Variants in ASB5 observed in about 807,000 individuals in gnomAD.
ASB5 encodes the protein ankyrin repeat and SOCS box protein 5.
A neutral mutation model predicts 42.1 loss-of-function variants in ASB5; 45 were observed. The ratio of observed to expected loss-of-function variants is 1.07; its 90% CI spans 0.84 to 1.37. The LOEUF is 1.37. ASB5 is among the 40% of genes most tolerant of loss of function. ASB5 has a pLI of 0.00. For missense variants in ASB5, 402 were observed against 399.8 expected (o/e 1.01, Z -0.05); for synonymous variants, 147 against 150.6 (o/e 0.98, Z 0.18).
At chr4:176,256,278 T>TA (rs983551512) in intron 1 of ASB5, among the ~76,000 whole-genome samples, 2 of 152,242 alleles carry the variant, frequency 1.3e-5, no homozygotes, top group African/African-American at 4.8e-5. Context: ...CCACTGTTTT[T>TA]ATTATAATTT....
Position 176,268,919 on chromosome 4 carries a change from C to T in ASB5, c.190G>A (p.Gly64Arg). 1 of 1,609,380 alleles carries T rather than the reference C, an allele frequency of 6.2e-7. No homozygotes were observed. Reference protein sequence around the residue: ...IAAEFYGVTQGQGSWADRSPL... With the variant: ...IAAEFYGVTQRQGSWADRSPL... ...AGGATTATCATAAACATACCTTGTC[C>T]TTGGGTTACTCCATAAAATTCAGCT... is the stretch of plus-strand genomic sequence containing the variant. Residue 64 changes from glycine to arginine, a missense_variant, in exon 1 of 7, where the codon GGA (glycine) becomes AGA (arginine). Physicochemically the swap from Gly to Arg is moderately radical, Grantham distance 125. Coordinates refer to ENST00000296525, the MANE Select transcript of ASB5 (RefSeq NM_080874.4).
At chr4:176,253,573 C>CATTGAACT (rs1754087151) in intron 1 of ASB5, among the ~76,000 whole-genome samples, 2 of 152,140 alleles carry the variant, frequency 1.3e-5, no homozygotes, top group Non-Finnish European at 2.9e-5. Context: ...AAATAAAAGG[C>CATTGAACT]ATCCAAATAG....
chr4:176,257,706 C>T (rs918066638), intron 1 of ASB5, among the ~76,000 whole-genome samples: 2 of 152,170 alleles, frequency 1.3e-5, no homozygotes, highest in African/African-American at 4.8e-5. Context: ...GTCGACAAGG[C>T]GCATGGATGG....
intron 1 of ASB5, among the ~76,000 whole-genome samples, chr4:176,239,465 T>C (rs1465219801): frequency 2.0e-4 from 30 of 152,208 alleles, no homozygotes; most frequent in Admixed American, 2.0e-3. Flanking sequence ...ACAATTTTTG[T>C]TTTATCATAA....
chr4:176,222,971 G>A (rs1429452601), intron 2 of ASB5, among the ~76,000 whole-genome samples: 1 of 152,074 alleles, frequency 6.6e-6, no homozygotes, highest in African/African-American at 2.4e-5. Context: ...GTAGACACGG[G>A]GTTGCACTGT....
intron 1 of ASB5, among the ~76,000 whole-genome samples, chr4:176,240,581 T>C: frequency 6.6e-6 from 1 of 152,194 alleles, no homozygotes; most frequent in East Asian, 1.9e-4. Flanking sequence ...CGAAGAGGCA[T>C]TATGACAGAA....
chr4:176,243,396 T>C (rs1346015065), intron 1 of ASB5, among the ~76,000 whole-genome samples: 2 of 152,196 alleles, frequency 1.3e-5, no homozygotes, highest in Admixed American at 6.5e-5. Flanking sequence ...AATTTTTGAA[T>C]TTTATACTGT....
In ASB5 at chr4:176,255,187, G is replaced by C. The variant is rs575014986; in HGVS notation, c.196+13726C>G. ...ATGAGATACCATCTCACTTTGGTCA[G>C]AACAGTTGTTATTAAAAAGAAAAAA... On this transcript the variant is annotated intron_variant, in intron 1 of 6. Transcript: ENST00000296525. 7.2e-5 allele frequency among the ~76,000 whole-genome samples: 11 copies of C among 152,254 alleles called. 1 individual carries two copies. The highest frequency in any genetic ancestry group is 7.2e-4 in the Admixed American group (11 of 15,272).
At chr4:176,245,373 C>T (rs1579326419) in intron 1 of ASB5, among the ~76,000 whole-genome samples, 1 of 152,118 alleles carries the variant, frequency 6.6e-6, no homozygotes, top group Non-Finnish European at 1.5e-5. Flanking sequence ...GTTAGAATGG[C>T]GATCATTAAA....
intron 1 of ASB5, among the ~76,000 whole-genome samples, chr4:176,256,267 C>T (rs1754153993): frequency 6.6e-6 from 1 of 152,138 alleles, no homozygotes; most frequent in Admixed American, 6.5e-5. Flanking sequence ...CATTAATTTT[C>T]CCACTGTTTT....
At chr4:176,234,817 G>A (rs1324500609) in intron 1 of ASB5, among the ~76,000 whole-genome samples, 2 of 152,164 alleles carry the variant, frequency 1.3e-5, no homozygotes, top group Non-Finnish European at 2.9e-5. Flanking sequence ...CTAAGTTTCA[G>A]TTTCCTCACT....
chr4:176,262,332 A>G (rs1193484092), intron 1 of ASB5, among the ~76,000 whole-genome samples: 2 of 152,238 alleles, frequency 1.3e-5, no homozygotes, highest in Non-Finnish European at 2.9e-5. Flanking sequence ...TCTTTTAACA[A>G]CAGAACTCTG....
chr4:176,226,600 G>A (rs1204060735), intron 1 of ASB5, among the ~76,000 whole-genome samples: 1 of 152,052 alleles, frequency 6.6e-6, no homozygotes, highest in African/African-American at 2.4e-5. Context: ...TATTGGTTCT[G>A]TCTCTCTGGA....
upstream of ASB5, among the ~76,000 whole-genome samples, chr4:176,270,233 G>A (rs1197024942): frequency 6.6e-6 from 1 of 152,140 alleles, no homozygotes. Flanking sequence ...ACTGGGTTTG[G>A]GGCCTGTTGA....
chr4:176,269,255 T>C (rs1046518479), upstream of ASB5: 1 of 538,002 alleles, frequency 1.9e-6, no homozygotes, highest in Admixed American at 4.1e-5. Flanking sequence ...ATTTATACAC[T>C]CCATAAAAGT....
chr4:176,236,377 C>T (rs13113051), intron 1 of ASB5, among the ~76,000 whole-genome samples: 23,780 of 152,088 alleles, frequency 0.16, 2,444 homozygotes, highest in Middle Eastern at 0.29. Context: ...GTGTCTAGCA[C>T]GCAGTCAACA....
chr4:176,273,861 A>G (rs191808810), upstream of ASB5, among the ~76,000 whole-genome samples: 1 of 152,368 alleles, frequency 6.6e-6, no homozygotes, highest in Non-Finnish European at 1.5e-5. Context: ...CTATATGCCA[A>G]GAAATTTTCT....
intron 1 of ASB5, among the ~76,000 whole-genome samples, chr4:176,251,564 TA>T (rs34392287): frequency 0.025 from 256 of 10,240 alleles, no homozygotes; most frequent in African/African-American, 0.032. Flanking sequence ...TCTGTCTCAT[TA>T]AAAAAAAAAA....
chr4:176,256,485 G>T (rs893808343), intron 1 of ASB5, among the ~76,000 whole-genome samples: 3 of 152,142 alleles, frequency 2.0e-5, no homozygotes, highest in African/African-American at 4.8e-5. Flanking sequence ...TGTGCATAAG[G>T]CTCCAGATAA....
Sources: gnomAD v4.1 joint callset for allele counts (sites outside exome capture counted in the v4.1 genomes callset) on GRCh38, gnomAD v4.1.1 for gene constraint, MANE v1.5 for transcripts, NCBI Gene and HGNC (gene_info 2026-07-23, HGNC 2026-07-21) for gene names.